Variants in SLCO1C1 observed in about 807,000 individuals in gnomAD.
SLCO1C1 encodes the protein solute carrier organic anion transporter family member 1C1.
Under a neutral mutation model 76.4 loss-of-function variants are expected in SLCO1C1, and 70 were observed. That is an observed-to-expected ratio of 0.92 (90% CI 0.76 to 1.12). The LOEUF (loss-of-function observed/expected upper bound fraction) is 1.12, where lower values mean the gene tolerates loss of function less well. Among genes scored for constraint, SLCO1C1 ranks in the 50% most tolerant of loss-of-function variants. The pLI is 0.00. For missense variants in SLCO1C1, 912 were observed against 823.8 expected (o/e 1.11, Z -1.31); for synonymous variants, 306 against 286.1 (o/e 1.07, Z -0.70).
intron 5 of SLCO1C1, among the ~76,000 whole-genome samples, chr12:20,713,283 G>C (rs894774650): frequency 4.7e-4 from 71 of 151,968 alleles, no homozygotes; most frequent in African/African-American, 1.4e-3. Flanking sequence ...GTTTCACCTT[G>C]TTAGCCAGGA....
At chr12:20,712,769 G>C (rs1475068243) in intron 5 of SLCO1C1, among the ~76,000 whole-genome samples, 2 of 152,096 alleles carry the variant, frequency 1.3e-5, no homozygotes, top group African/African-American at 4.8e-5. Context: ...TGAATGAAGG[G>C]AGGGGCCAAA....
At chr12:20,728,312 T>C (rs1189785847) in intron 9 of SLCO1C1, among the ~76,000 whole-genome samples, 2 of 152,108 alleles carry the variant, frequency 1.3e-5, no homozygotes, top group African/African-American at 4.8e-5. Flanking sequence ...TTGTTGAAGA[T>C]GAGATGGTTG....
chr12:20,751,040 TC>T, intron 14 of SLCO1C1: 1 of 718,420 alleles, frequency 1.4e-6, no homozygotes, highest in Non-Finnish European at 2.2e-6. Flanking sequence ...GACAAAAGTG[TC>T]CAGAATACAG....
intron 8 of SLCO1C1, 141 bp from the exon 9 acceptor site, chr12:20,722,949 A>G: frequency 1.5e-6 from 1 of 676,712 alleles, no homozygotes; most frequent in East Asian, 2.8e-5. Context: ...CTATATACAT[A>G]GTGTATGTGT....
At chr12:20,713,829 C>A (rs890533118) in intron 5 of SLCO1C1, among the ~76,000 whole-genome samples, 1 of 152,132 alleles carries the variant, frequency 6.6e-6, no homozygotes, top group Non-Finnish European at 1.5e-5. Flanking sequence ...TATTTAATTT[C>A]AATTTTAATA....
At position 20,750,713 on chromosome 12, in the gene SLCO1C1, G is replaced by T; in HGVS notation, c.1837G>T (p.Asp613Tyr). 6.2e-7 allele frequency: 1 copy of T among 1,613,996 alleles called. No homozygotes were observed. Among genetic ancestry groups the T allele is most frequent in the Non-Finnish European group, 8.5e-7 (1 of 1,179,918 alleles). The change falls in exon 14 of 15, where the codon GAT (aspartate) becomes TAT (tyrosine). Residue 613 changes from aspartate (D) to tyrosine (Y), a missense_variant. Asp to Tyr is a radical substitution (Grantham distance 160, BLOSUM62 -3). Transcript: ENST00000266509. ...PAPVYFGVLI[D>Y]TSCLKWGFKR... is the part of the protein sequence containing the mutation. ...TCCAGTGTATTTTGGAGTTTTGATT[G>T]ATACTTCATGCCTCAAATGGGGATT... is the stretch of plus-strand genomic sequence containing the variant.
chr12:20,752,507 A>G lies in SLCO1C1; in HGVS notation c.2118A>G (p.Pro706=). 1 of 1,584,922 alleles carries G rather than the reference A, an allele frequency of 6.3e-7. No homozygotes were observed. Among genetic ancestry groups the G allele is most frequent in the Non-Finnish European group, 8.6e-7 (1 of 1,164,584 alleles). ...ATCTGCTACAACCCAACTACTGGCC[A>G]GGCAAGGAAACTCAACTTTAGAAAC... ...SDHLLQPNYW[P]GKETQL Residue 706 remains proline, a synonymous_variant, in exon 15 of 15, where the codon CCA becomes CCG. Transcript: ENST00000266509.
At chr12:20,711,595 A>G (rs1023813551) in intron 5 of SLCO1C1, 85 bp downstream of exon 5, 5 of 1,449,194 alleles carry the variant, frequency 3.5e-6, no homozygotes, top group African/African-American at 1.4e-5. Context: ...AGTGTCTATG[A>G]TTTTTGCTCC....
intron 3 of SLCO1C1, among the ~76,000 whole-genome samples, chr12:20,702,933 A>C (rs1389445825): frequency 1.3e-5 from 2 of 151,886 alleles, no homozygotes; most frequent in Non-Finnish European, 1.5e-5. Flanking sequence ...CCAGGTCCTG[A>C]TGCAACTTGA....
intron 3 of SLCO1C1, among the ~76,000 whole-genome samples, chr12:20,703,959 G>C (rs1592224316): frequency 7.9e-6 from 1 of 126,922 alleles, no homozygotes; most frequent in South Asian, 2.3e-4. Context: ...GTGTGTCTGT[G>C]TGTGTGTGTG....
intron 4 of SLCO1C1, among the ~76,000 whole-genome samples, chr12:20,706,699 T>C (rs1404121755): frequency 5.3e-5 from 8 of 152,152 alleles, no homozygotes; most frequent in Non-Finnish European, 1.2e-4. Context: ...TTTTTTACTT[T>C]AGAGCTAAGG....
chr12:20,744,265 T>G (rs1948943347), intron 13 of SLCO1C1, among the ~76,000 whole-genome samples: 1 of 152,128 alleles, frequency 6.6e-6, no homozygotes, highest in Admixed American at 6.5e-5. Context: ...GGCCCCCATA[T>G]CTACCTGTGT....
At position 20,705,992 on chromosome 12, in the gene SLCO1C1, A is replaced by G; in HGVS notation, c.315A>G (p.Lys105=). Residue 105 remains lysine (K), a synonymous_variant, in exon 4 of 15, where the codon AAA becomes AAG. Transcript: ENST00000266509. ...CATTTGTTAGCTACTTTGGAGCCAA[A>G]CTTCACAGGCCAAAAATAATTGGAG... is the stretch of plus-strand genomic sequence containing the variant. ...VITFVSYFGA[K]LHRPKIIGAG... 6.2e-7 allele frequency: 1 copy of G among 1,613,464 alleles called. No individual in the cohort carries two copies. The highest frequency in any genetic ancestry group is 2.2e-5 in the East Asian group (1 of 44,832).
chr12:20,730,947 G>A (rs912658989), intron 9 of SLCO1C1, among the ~76,000 whole-genome samples: 3 of 152,058 alleles, frequency 2.0e-5, no homozygotes, highest in African/African-American at 7.2e-5. Context: ...CCTCCAGACT[G>A]GCAACGCTTG....
Position 20,752,527 on chromosome 12 carries a change from A to T in SLCO1C1, c.2138A>T (p.Ter713LeuextTer13), listed in dbSNP as rs201169113. The T allele has an allele frequency of 9.8e-5, 155 of 1,580,898 alleles. No homozygotes were observed. Among genetic ancestry groups the T allele is most frequent in the Non-Finnish European group, 1.3e-4 (148 of 1,163,674 alleles). The change falls in exon 15 of 15, where the codon TAG becomes TTG. Residue 713 changes from the stop codon to leucine, a stop_lost. Coordinates refer to ENST00000266509, the MANE Select transcript of SLCO1C1 (RefSeq NM_017435.5). ...TGGCCAGGCAAGGAAACTCAACTTT[A>T]GAAACATGATGACTGGAAGTCATGT... ...NYWPGKETQL* is the reference protein window; with the variant it reads ...NYWPGKETQLL
chr12:20,698,667 A>G (rs1323196645), intron 1 of SLCO1C1, among the ~76,000 whole-genome samples: 2 of 152,024 alleles, frequency 1.3e-5, no homozygotes, highest in Non-Finnish European at 2.9e-5. Flanking sequence ...TTCCACTCCT[A>G]TTATGTGGAT....
chr12:20,715,331 G>A (rs752233842), intron 6 of SLCO1C1, 46 bp downstream of exon 6: 11 of 1,600,928 alleles, frequency 6.9e-6, no homozygotes, highest in African/African-American at 4.0e-5. Context: ...GAAGCAGGGT[G>A]TCTAGTTTTC....
At chr12:20,729,335 A>G (rs1282968201) in intron 9 of SLCO1C1, among the ~76,000 whole-genome samples, 1 of 152,158 alleles carries the variant, frequency 6.6e-6, no homozygotes, top group Admixed American at 6.5e-5. Context: ...TTGAAATAGG[A>G]GAGTAAGATA....
Position 20,740,787 on chromosome 12 carries a change from T to TTATATATATATATATATATATA in SLCO1C1, c.1733+429_1733+450dup, listed in dbSNP as rs71039980. Reference sequence around the variant, plus strand: ...ACAACAATGTTAGAATTTATTTTATTTATATATATATATATATATATATAT... The same window carrying TTATATATATATATATATATATA: ...ACAACAATGTTAGAATTTATTTTATTTATATATATATATATATATATATATATATATATATATATATATATAT... On this transcript the variant is annotated intron_variant, in intron 12 of 14. Transcript: ENST00000266509. 4.2e-3 allele frequency among the ~76,000 whole-genome samples: 311 copies of TTATATATATATATATATATATA among 74,926 alleles called. 9 individuals carry two copies. The highest frequency in any genetic ancestry group is 9.0e-3 in the African/African-American group (166 of 18,360). 49.2% of individuals were successfully genotyped at this position (74,926 alleles called of 152,430 possible). A position where few individuals can be genotyped will look rare whatever the true frequency, so the allele number is the denominator to read the frequency against.
Sources: allele counts gnomAD v4.1 joint callset (sites outside exome capture counted in the v4.1 genomes callset), GRCh38; gene constraint gnomAD v4.1.1; transcripts MANE v1.5; gene names NCBI Gene and HGNC (gene_info 2026-07-23, HGNC 2026-07-21).